Variants in CLASP1 observed in about 807,000 individuals in gnomAD.
CLASP1 encodes the protein CLIP-associating protein 1.
CLASP1 carries 38 observed loss-of-function variants against 192.3 expected under a neutral mutation model. The observed-to-expected ratio is 0.20, with a 90% confidence interval of 0.15 to 0.26. CLASP1 has a LOEUF of 0.26. CLASP1 is among the 10% of genes least tolerant of loss of function. The pLI, the probability that CLASP1 is intolerant of heterozygous loss-of-function variation, is 1.00. For missense variants in CLASP1, 1,433 were observed against 1,932.5 expected, an observed-to-expected ratio of 0.74 and a Z score of 4.85; for synonymous variants, 691 against 712.8, an observed-to-expected ratio of 0.97 and a Z score of 0.49.
At chr2:121,529,597 G>T (rs1398294804) in intron 3 of CLASP1, among the ~76,000 whole-genome samples, 1 of 152,202 alleles carries the variant, frequency 6.6e-6, no homozygotes, top group African/African-American at 2.4e-5. Context: ...CTACCCCCAT[G>T]AAACACCGGA....
intron 22 of CLASP1, among the ~76,000 whole-genome samples, chr2:121,423,654 T>C (rs2079900700): frequency 6.6e-6 from 1 of 152,218 alleles, no homozygotes. Context: ...CACAAATATG[T>C]TACAGCATCA....
At chr2:121,404,240 C>A (rs1364949811) in intron 26 of CLASP1, 131 bp downstream of exon 27, 1 of 1,441,356 alleles carries the variant, frequency 6.9e-7, no homozygotes, top group African/African-American at 1.4e-5. Context: ...TACACTAGTG[C>A]TGAAACCGGT....
intron 9 of CLASP1, among the ~76,000 whole-genome samples, 196 bp downstream of exon 9, chr2:121,469,612 G>C (rs1391376480): frequency 6.6e-6 from 1 of 152,168 alleles, no homozygotes; most frequent in Non-Finnish European, 1.5e-5. Flanking sequence ...AGTCAACATA[G>C]TAGCTCAAAT....
chr2:121,539,861 T>C (rs1030973111), intron 2 of CLASP1, among the ~76,000 whole-genome samples: 2 of 152,186 alleles, frequency 1.3e-5, no homozygotes. Context: ...CTAAGAAAAG[T>C]TGTTCAATTT....
intron 8 of CLASP1, chr2:121,490,221 G>A: frequency 4.8e-6 from 2 of 415,726 alleles, no homozygotes; most frequent in African/African-American, 2.1e-5. Flanking sequence ...GCATTTCCTA[G>A]CCAAGCAGCA....
chr2:121,561,822 C>T (rs941625054), intron 2 of CLASP1, among the ~76,000 whole-genome samples: 1 of 152,188 alleles, frequency 6.6e-6, no homozygotes, highest in African/African-American at 2.4e-5. Context: ...AGAGTTGATA[C>T]ACTCACTATT....
At chr2:121,478,731 ACACACACACCC>A (rs1559366266) in intron 8 of CLASP1, among the ~76,000 whole-genome samples, 7 of 69,082 alleles carry the variant, frequency 1.0e-4, no homozygotes, top group African/African-American at 1.7e-4. Context: ...CACACACACC[ACACACACACCC>A]CACACACACC....
intron 2 of CLASP1, among the ~76,000 whole-genome samples, chr2:121,539,836 C>A (rs902962622): frequency 2.6e-5 from 4 of 152,278 alleles, no homozygotes; most frequent in Non-Finnish European, 5.9e-5. Flanking sequence ...ACAGAAGATA[C>A]CAATGGTCAA....
intron 1 of CLASP1, among the ~76,000 whole-genome samples, chr2:121,639,151 C>T (rs2071527002): frequency 6.6e-6 from 1 of 151,988 alleles, no homozygotes; most frequent in Non-Finnish European, 1.5e-5. Context: ...GTGGTGGGTG[C>T]CTGTAGTCCC....
At position 121,500,397 on chromosome 2, in the gene CLASP1, A is replaced by AAAG. The variant is rs1270963277; in HGVS notation, c.712+2769_712+2770insCTT. On this transcript the variant is annotated intron_variant, in intron 8 of 39. Coordinates refer to ENST00000263710, the Ensembl canonical transcript of CLASP1. ...GAAAGAAAGAAAGAAAGAAAGAAAG[A>AAAG]AAAGAAAGAAAGAAAGAAAAAAAAG... 1.7e-4 allele frequency among the ~76,000 whole-genome samples: 22 copies of AAAG among 132,216 alleles called. No homozygotes were observed. The East Asian group carries it at 2.2e-3, about 13-fold the overall frequency. The allele number at this position is 132,216 out of a possible 152,430, so 86.7% of individuals were successfully genotyped here.
intron 2 of CLASP1, among the ~76,000 whole-genome samples, chr2:121,589,901 T>C (rs1237764637): frequency 1.3e-5 from 2 of 152,058 alleles, no homozygotes; most frequent in Non-Finnish European, 2.9e-5. Flanking sequence ...TCCATTTCAA[T>C]GTGAACATCG....
intron 10 of CLASP1, 41 bp downstream of exon 10, chr2:121,462,491 T>C (rs969828101): frequency 8.9e-6 from 10 of 1,119,856 alleles, no homozygotes; most frequent in Non-Finnish European, 1.3e-5. Flanking sequence ...GAAGAGTAAG[T>C]TGACCCTTGT....
intron 8 of CLASP1, among the ~76,000 whole-genome samples, chr2:121,492,376 G>A (rs577412056): frequency 2.2e-3 from 255 of 115,248 alleles, no homozygotes; most frequent in Non-Finnish European, 2.4e-3. Flanking sequence ...GCGACAGAGC[G>A]AGACTCCCTC....
intron 6 of CLASP1, among the ~76,000 whole-genome samples, chr2:121,524,262 T>C (rs1575649536): frequency 1.3e-5 from 2 of 152,256 alleles, no homozygotes; most frequent in Non-Finnish European, 2.9e-5. Flanking sequence ...GTGCGGCCTC[T>C]ATAAAGGATT....
intron 2 of CLASP1, among the ~76,000 whole-genome samples, chr2:121,558,565 A>G (rs759655514): frequency 6.6e-6 from 1 of 152,184 alleles, no homozygotes; most frequent in Non-Finnish European, 1.5e-5. Context: ...AACCTGAGCT[A>G]AAGCACTCAC....
At chr2:121,438,351 CCT>C (rs564220576) in intron 19 of CLASP1, among the ~76,000 whole-genome samples, 91 of 152,182 alleles carry the variant, frequency 6.0e-4, no homozygotes, top group African/African-American at 2.1e-3. Context: ...TTTTTTTCCC[CCT>C]CTGTTTAAGG....
At chr2:121,582,300 A>G (rs565789261) in intron 2 of CLASP1, among the ~76,000 whole-genome samples, 1 of 150,660 alleles carries the variant, frequency 6.6e-6, no homozygotes, top group South Asian at 2.1e-4. Flanking sequence ...AGAGAAAGAG[A>G]AAGGGAGAGA....
In CLASP1 at chr2:121,365,617, A is replaced by G. The variant is rs1208211073; in HGVS notation, c.3887-333T>C. On this transcript the variant is annotated intron_variant, in intron 35 of 39. Coordinates refer to ENST00000263710, the Ensembl canonical transcript of CLASP1. ...CTGTATCCGCCAAAGCCCCTCCTCA[A>G]CCCTTTTATTTTCTGAAACTCTCTC... Among the ~76,000 whole-genome samples the G allele has an allele frequency of 3.3e-5, 5 of 151,846 alleles. No homozygotes were observed. In the East Asian group the frequency reaches 9.7e-4, roughly 29 times the overall value.
chr2:121,511,492 G>A (rs2094133727), intron 7 of CLASP1, among the ~76,000 whole-genome samples: 1 of 151,950 alleles, frequency 6.6e-6, no homozygotes, highest in Admixed American at 6.6e-5. Flanking sequence ...GGAGGCTGAG[G>A]CAGGAGAATC....
Sources: gnomAD v4.1 joint callset for allele counts (sites outside exome capture counted in the v4.1 genomes callset) on GRCh38, gnomAD v4.1.1 for gene constraint, MANE v1.5 for transcripts, NCBI Gene and HGNC (gene_info 2026-07-23, HGNC 2026-07-21) for gene names.